Variants in CNTN5 observed in about 807,000 individuals in gnomAD.
CNTN5 encodes the protein contactin 5, also known as contactin-5.
CNTN5 carries 77 observed loss-of-function variants against 129.1 expected under a neutral mutation model. That is an observed-to-expected ratio of 0.60 (90% CI 0.50 to 0.72). CNTN5 has a LOEUF of 0.72. Ranked by LOEUF, CNTN5 falls within the 30% of genes least tolerant of loss-of-function variation. The pLI is 0.00. For synonymous variants in CNTN5, 509 were observed against 465.6 expected, an observed-to-expected ratio of 1.09 and a Z score of -1.20; for missense variants, 1,478 against 1,328.8, an observed-to-expected ratio of 1.11 and a Z score of -1.75.
chr11:99,831,824 C>A (rs1159430754), intron 4 of CNTN5, among the ~76,000 whole-genome samples: 1 of 152,082 alleles, frequency 6.6e-6, no homozygotes, highest in Non-Finnish European at 1.5e-5. Flanking sequence ...GCTCATGAGG[C>A]ACCTACCTAC....
intron 2 of CNTN5, among the ~76,000 whole-genome samples, chr11:99,442,959 T>C (rs568438868): frequency 1.3e-5 from 2 of 152,348 alleles, no homozygotes; most frequent in Non-Finnish European, 1.5e-5. Flanking sequence ...CTTGCCTATA[T>C]TGATATTAAG....
chr11:99,692,692 A>G (rs904305631), intron 3 of CNTN5, among the ~76,000 whole-genome samples: 1 of 152,052 alleles, frequency 6.6e-6, no homozygotes, highest in Non-Finnish European at 1.5e-5. Context: ...CATCAGTGAA[A>G]TGTTTTTATA....
intron 2 of CNTN5, among the ~76,000 whole-genome samples, chr11:99,383,795 C>G (rs988003058): frequency 6.6e-6 from 1 of 152,098 alleles, no homozygotes; most frequent in African/African-American, 2.4e-5. Flanking sequence ...GGAGGATTAT[C>G]TGATGATAAT....
chr11:99,551,732 A>T lies in CNTN5; in HGVS notation c.-70-4413A>T, dbSNP rs142917130. ...ACAGACCTGTACAGGATGTTACTGT[A>T]CTGAATAATGTAGGCAATTATAACA... On this transcript the variant is annotated intron_variant, in intron 2 of 24. Transcript: ENST00000524871. Among the ~76,000 whole-genome samples the T allele has an allele frequency of 4.2e-3, 633 of 152,240 alleles. 11 individuals are homozygous for T. The highest frequency in any genetic ancestry group is 9.3e-3 in the East Asian group (48 of 5,172).
At chr11:99,842,785 T>C (rs771043480) in intron 4 of CNTN5, among the ~76,000 whole-genome samples, 12 of 152,188 alleles carry the variant, frequency 7.9e-5, no homozygotes, top group Admixed American at 2.0e-4. Flanking sequence ...CAACAACAAA[T>C]ACAAAATTTT....
intron 9 of CNTN5, among the ~76,000 whole-genome samples, chr11:100,040,389 G>A (rs543192961): frequency 7.9e-5 from 12 of 152,334 alleles, no homozygotes; most frequent in Middle Eastern, 3.4e-3. Context: ...ACTTGGGGGT[G>A]CCTCCCAGTT....
chr11:100,183,350 A>G (rs1948197650), intron 13 of CNTN5, among the ~76,000 whole-genome samples: 1 of 152,160 alleles, frequency 6.6e-6, no homozygotes, highest in African/African-American at 2.4e-5. Flanking sequence ...CAACCCAAAC[A>G]TCCATCAACA....
At chr11:99,100,188 A>G (rs1251044635) in intron 1 of CNTN5, among the ~76,000 whole-genome samples, 1 of 152,020 alleles carries the variant, frequency 6.6e-6, no homozygotes, top group Non-Finnish European at 1.5e-5. Context: ...CTAAATAAAT[A>G]TTTTTTCTAC....
chr11:99,884,474 T>C (rs1948847573), intron 6 of CNTN5, among the ~76,000 whole-genome samples: 1 of 152,118 alleles, frequency 6.6e-6, no homozygotes. Flanking sequence ...AAGAGTAGAA[T>C]AGACATTGTT....
At chr11:99,161,640 C>G (rs1390724826) in intron 1 of CNTN5, among the ~76,000 whole-genome samples, 1 of 152,082 alleles carries the variant, frequency 6.6e-6, no homozygotes, top group Non-Finnish European at 1.5e-5. Flanking sequence ...CTGCCAGATT[C>G]CAAAATTCTT....
intron 2 of CNTN5, among the ~76,000 whole-genome samples, chr11:99,516,165 TAA>T (rs1270572674): frequency 6.6e-6 from 1 of 152,014 alleles, no homozygotes; most frequent in Non-Finnish European, 1.5e-5. Flanking sequence ...ACAATACTCA[TAA>T]ATATAAGTCC....
At chr11:99,612,939 A>G (rs10893594) in intron 3 of CNTN5, among the ~76,000 whole-genome samples, 29,329 of 152,066 alleles carry the variant, frequency 0.19, 3,036 homozygotes, top group African/African-American at 0.22. Context: ...TGGACCCAGA[A>G]ACAAGAACTG....
chr11:99,632,812 G>C (rs1278580920), intron 3 of CNTN5, among the ~76,000 whole-genome samples: 1 of 151,796 alleles, frequency 6.6e-6, no homozygotes. Flanking sequence ...AAGTTTTTGG[G>C]GTAAATTATT....
intron 2 of CNTN5, among the ~76,000 whole-genome samples, chr11:99,446,370 G>T (rs919471351): frequency 1.3e-5 from 2 of 152,040 alleles, no homozygotes; most frequent in Non-Finnish European, 2.9e-5. Context: ...TTTCTTCTGG[G>T]TCTGGACAAA....
intron 1 of CNTN5, among the ~76,000 whole-genome samples, chr11:99,083,043 C>G (rs1054533545): frequency 1.3e-5 from 2 of 152,012 alleles, no homozygotes; most frequent in Non-Finnish European, 2.9e-5. Flanking sequence ...AACACACACA[C>G]ACACACACAC....
intron 3 of CNTN5, among the ~76,000 whole-genome samples, chr11:99,705,253 A>T (rs1954705177): frequency 1.3e-5 from 2 of 151,404 alleles, no homozygotes; most frequent in East Asian, 2.0e-4. Flanking sequence ...TGATTTACAG[A>T]GATTTCTTCA....
At chr11:99,710,232 C>T (rs1402919170) in intron 3 of CNTN5, among the ~76,000 whole-genome samples, 1 of 151,752 alleles carries the variant, frequency 6.6e-6, no homozygotes, top group Non-Finnish European at 1.5e-5. Flanking sequence ...TCATCACTGC[C>T]CAGCATCTTT....
chr11:100,018,864 A>G (rs1940972705), intron 9 of CNTN5, among the ~76,000 whole-genome samples: 2 of 151,930 alleles, frequency 1.3e-5, no homozygotes, highest in South Asian at 2.1e-4. Flanking sequence ...GCCATTTAAT[A>G]TGCATGTAGT....
At chr11:100,342,152 G>GACACACACACACACAC (rs3220443) in intron 23 of CNTN5, among the ~76,000 whole-genome samples, 1,589 of 146,990 alleles carry the variant, frequency 0.011, 40 homozygotes, top group African/African-American at 0.036. Context: ...ATAGATCACA[G>GACACACACACACACAC]ACACACACAC....
Sources: gnomAD v4.1 joint callset for allele counts (sites outside exome capture counted in the v4.1 genomes callset) on GRCh38, gnomAD v4.1.1 for gene constraint, MANE v1.5 for transcripts, NCBI Gene and HGNC (gene_info 2026-07-23, HGNC 2026-07-21) for gene names.